CA10: variants seen among roughly 807,000 people sequenced by gnomAD.
CA10 encodes the protein carbonic anhydrase-related protein 10.
In CA10, 14 loss-of-function variants were observed where a neutral mutation model predicts 44.2. That is an observed-to-expected ratio of 0.32 (90% CI 0.21 to 0.50). The LOEUF is 0.50. CA10 is among the 20% of genes least tolerant of loss of function. CA10 has a pLI of 0.99. For synonymous variants in CA10, 159 were observed against 141.6 expected (o/e 1.12, Z -0.87); for missense variants, 350 against 409.7 (o/e 0.85, Z 1.26).
intron 2 of CA10, among the ~76,000 whole-genome samples, chr17:51,989,445 C>A (rs1450704557): frequency 4.6e-5 from 7 of 151,842 alleles, no homozygotes; most frequent in South Asian, 2.1e-4. Context: ...TGTTAGTTTG[C>A]CAAAGATAAT....
At chr17:51,834,035 A>G (rs1908383800) in intron 3 of CA10, among the ~76,000 whole-genome samples, 1 of 152,254 alleles carries the variant, frequency 6.6e-6, no homozygotes, top group African/African-American at 2.4e-5. Flanking sequence ...TCCTATTTAC[A>G]GTTTATTAAG....
At chr17:51,653,763 GAAC>G (rs1567790270) in intron 4 of CA10, 27 bp from the exon 5 acceptor site, 3 of 1,339,820 alleles carry the variant, frequency 2.2e-6, no homozygotes, top group Non-Finnish European at 3.2e-6. Flanking sequence ...ACAAGAATCA[GAAC>G]AATAATCCAA....
chr17:52,141,301 G>A (rs1312959728), intron 1 of CA10, among the ~76,000 whole-genome samples: 3 of 152,194 alleles, frequency 2.0e-5, no homozygotes, highest in Non-Finnish European at 2.9e-5. Flanking sequence ...GGTGCTTGAA[G>A]CATTACTTTG....
chr17:51,703,549 T>A (rs1915668041), intron 4 of CA10, among the ~76,000 whole-genome samples: 1 of 152,100 alleles, frequency 6.6e-6, no homozygotes, highest in Non-Finnish European at 1.5e-5. Flanking sequence ...AGAGGATGTG[T>A]GTCAAGGGTG....
chr17:51,929,777 T>C (rs1185478606), intron 3 of CA10, among the ~76,000 whole-genome samples: 2 of 152,120 alleles, frequency 1.3e-5, no homozygotes, highest in Non-Finnish European at 2.9e-5. Flanking sequence ...AATAAAACTA[T>C]AAATGGAACA....
At chr17:51,894,850 A>C (rs567786070) in intron 3 of CA10, among the ~76,000 whole-genome samples, 1 of 152,266 alleles carries the variant, frequency 6.6e-6, no homozygotes, top group African/African-American at 2.4e-5. Context: ...AAGGAAAGAA[A>C]GAGATACAGA....
intron 2 of CA10, among the ~76,000 whole-genome samples, chr17:51,971,289 T>A (rs1261920204): frequency 6.6e-6 from 1 of 152,112 alleles, no homozygotes; most frequent in Non-Finnish European, 1.5e-5. Context: ...ATGCTTACTA[T>A]CTTCATAGGA....
Position 52,132,795 on chromosome 17 carries a change from A to G in CA10, c.61+24931T>C, listed in dbSNP as rs191141254. 1.1e-4 allele frequency among the ~76,000 whole-genome samples: 16 copies of G among 152,298 alleles called. 1 individual carries two copies. Among genetic ancestry groups the G allele is most frequent in the Non-Finnish European group, 1.5e-5 (1 of 68,026 alleles). ...CAATAGAAATGCATGTACCAGGTACAGAAGAGAGGGCCCTCATCAGGACTG... is the reference window on the plus strand; with the variant it reads ...CAATAGAAATGCATGTACCAGGTACGGAAGAGAGGGCCCTCATCAGGACTG... On this transcript the variant is annotated intron_variant, in intron 1 of 8. Transcript: ENST00000451037.
At chr17:51,953,673 T>G (rs1277173975) in intron 2 of CA10, among the ~76,000 whole-genome samples, 1 of 152,134 alleles carries the variant, frequency 6.6e-6, no homozygotes, top group Non-Finnish European at 1.5e-5. Context: ...ATTTATAGTG[T>G]ACAATATATT....
intron 6 of CA10, among the ~76,000 whole-genome samples, chr17:51,637,220 G>A (rs888575898): frequency 6.6e-6 from 1 of 151,980 alleles, no homozygotes; most frequent in East Asian, 1.9e-4. Flanking sequence ...TTCTCTCTCA[G>A]GTTTTGTTGC....
intron 1 of CA10, among the ~76,000 whole-genome samples, chr17:52,108,566 G>A (rs1187732005): frequency 1.3e-5 from 2 of 151,812 alleles, no homozygotes; most frequent in Non-Finnish European, 2.9e-5. Context: ...TGGGCGTGGT[G>A]GTGTGTGCCT....
intron 3 of CA10, among the ~76,000 whole-genome samples, chr17:51,825,374 T>G (rs1125750): frequency 0.68 from 102,725 of 151,918 alleles, 36,229 homozygotes; most frequent in African/African-American, 0.87. Flanking sequence ...AATATACTCT[T>G]TACCAGGCCC....
chr17:51,902,168 A>C (rs1223410190), intron 3 of CA10, among the ~76,000 whole-genome samples: 2 of 152,168 alleles, frequency 1.3e-5, no homozygotes, highest in African/African-American at 4.8e-5. Context: ...ATGACTAGGC[A>C]ATGTTTTTTC....
At chr17:51,828,223 G>A (rs1459900410) in intron 3 of CA10, among the ~76,000 whole-genome samples, 1 of 152,152 alleles carries the variant, frequency 6.6e-6, no homozygotes, top group Non-Finnish European at 1.5e-5. Context: ...GCTGGGCACT[G>A]CAGACAGTGG....
chr17:51,674,575 T>C (rs1914547035), intron 4 of CA10, among the ~76,000 whole-genome samples: 1 of 152,208 alleles, frequency 6.6e-6, no homozygotes. Flanking sequence ...TGAAGAAGTA[T>C]TAATATTGGA....
intron 1 of CA10, among the ~76,000 whole-genome samples, chr17:52,117,327 G>A (rs998120918): frequency 2.0e-4 from 31 of 152,286 alleles, no homozygotes; most frequent in Non-Finnish European, 3.8e-4. Flanking sequence ...GGAATTAGAA[G>A]CGGATAAATC....
At chr17:52,157,415 C>T (rs536432353) in intron 1 of CA10, among the ~76,000 whole-genome samples, 19 of 152,056 alleles carry the variant, frequency 1.2e-4, no homozygotes, top group Non-Finnish European at 2.2e-4. Flanking sequence ...CGGATTTCGG[C>T]GCCAGAGTTC....
chr17:51,998,641 T>C (rs1432671353), intron 2 of CA10, among the ~76,000 whole-genome samples: 2 of 152,088 alleles, frequency 1.3e-5, no homozygotes, highest in Non-Finnish European at 2.9e-5. Flanking sequence ...TTTATATTTA[T>C]TTGTCCTAAT....
chr17:52,157,175 A>G (rs1989820939), intron 1 of CA10, among the ~76,000 whole-genome samples: 1 of 152,142 alleles, frequency 6.6e-6, no homozygotes, highest in Non-Finnish European at 1.5e-5. Flanking sequence ...GGGGTAGAGG[A>G]GGGTGTGTCA....
Sources: gnomAD v4.1 joint callset for allele counts (sites outside exome capture counted in the v4.1 genomes callset) on GRCh38, gnomAD v4.1.1 for gene constraint, MANE v1.5 for transcripts, NCBI Gene and HGNC (gene_info 2026-07-23, HGNC 2026-07-21) for gene names.